The following LRPPRC variants were observed in gnomAD, a reference collection of about 807,000 sequenced individuals.
The protein encoded by LRPPRC is leucine rich pentatricopeptide repeat containing.
In LRPPRC, 120 loss-of-function variants were observed where a neutral mutation model predicts 180.3. The observed-to-expected ratio is 0.67, with a 90% confidence interval of 0.57 to 0.77. LRPPRC has a LOEUF of 0.77. Among genes scored for constraint, LRPPRC ranks in the 30% least tolerant of loss-of-function variants. LRPPRC has a pLI of 0.00. For synonymous variants in LRPPRC, 723 were observed against 600.0 expected, an observed-to-expected ratio of 1.21 and a Z score of -3.00; for missense variants, 2,012 against 1,657.2, an observed-to-expected ratio of 1.21 and a Z score of -3.72.
intron 20 of LRPPRC, 63 bp from the exon 21 acceptor site, chr2:43,946,306 T>C (rs1672680387): frequency 1.5e-5 from 20 of 1,302,506 alleles, no homozygotes; most frequent in Non-Finnish European, 2.1e-5. Context: ...GTCACATTTT[T>C]AGCTTTACTG....
chr2:43,906,962 C>G (rs1390160383), intron 30 of LRPPRC, among the ~76,000 whole-genome samples: 2 of 152,182 alleles, frequency 1.3e-5, no homozygotes, highest in Non-Finnish European at 2.9e-5. Context: ...ACAACTCATG[C>G]ATGAGACTAA....
chr2:43,935,014 G>T, intron 23 of LRPPRC, 136 bp from the exon 24 acceptor site: 1 of 619,560 alleles, frequency 1.6e-6, no homozygotes. Context: ...AAACCACAAA[G>T]CTAAAATGGG....
chr2:43,971,485 T>TAAAGAAAAAAAAAA (rs1673802765), intron 11 of LRPPRC, among the ~76,000 whole-genome samples: 1 of 62,414 alleles, frequency 1.6e-5, no homozygotes, highest in Non-Finnish European at 2.8e-5. Context: ...TGTGTCACAG[T>TAAAGAAAAAAAAAA]AAAAAAAAAA....
At chr2:43,995,756 C>G in intron 1 of LRPPRC, 43 bp downstream of exon 1, 2 of 1,347,670 alleles carry the variant, frequency 1.5e-6, no homozygotes. Context: ...CCCGGGGGAC[C>G]CTGGCGCCGC....
chr2:43,904,657 T>A (rs1394019402), intron 31 of LRPPRC: 1 of 141,780 alleles, frequency 7.1e-6, no homozygotes, highest in Non-Finnish European at 1.5e-5. Context: ...CCCACCACTG[T>A]ACTCTAGCCT....
chr2:43,893,275 G>T (rs1480718654), intron 36 of LRPPRC, among the ~76,000 whole-genome samples: 1 of 152,204 alleles, frequency 6.6e-6, no homozygotes, highest in Non-Finnish European at 1.5e-5. Flanking sequence ...AGTTAATAAA[G>T]CAGTGGTATG....
chr2:43,989,820 C>T (rs919026439), intron 1 of LRPPRC, among the ~76,000 whole-genome samples: 9 of 152,192 alleles, frequency 5.9e-5, no homozygotes, highest in African/African-American at 1.7e-4. Context: ...AACTTGAGGT[C>T]TTGAATAAAT....
intron 29 of LRPPRC, among the ~76,000 whole-genome samples, chr2:43,916,009 C>T (rs1671454230): frequency 6.6e-6 from 1 of 152,090 alleles, no homozygotes; most frequent in South Asian, 2.1e-4. Flanking sequence ...AAGTGATCTG[C>T]CCACCTTGGC....
intron 11 of LRPPRC, among the ~76,000 whole-genome samples, chr2:43,967,867 T>C (rs924174799): frequency 1.3e-5 from 2 of 152,168 alleles, no homozygotes; most frequent in African/African-American, 4.8e-5. Context: ...CTAACAACCT[T>C]GATAACTACC....
Position 43,925,095 on chromosome 2 carries a change from C to T in LRPPRC, c.2868G>A (p.Gln956=). 6.3e-7 allele frequency: 1 copy of T among 1,594,032 alleles called. No homozygotes were observed. The highest frequency in any genetic ancestry group is 8.6e-7 in the Non-Finnish European group (1 of 1,161,796). The change falls in exon 27 of 38, where the codon CAG becomes CAA. Residue 956 remains glutamine, a synonymous_variant. Transcript: ENST00000260665. ...ACAGTTTTAGCAGATTGTAGTACAT[C>T]TGGTCTCTATCACATTCAAATAGCT... The part of the protein sequence containing the change: ...TQKLFECDRD[Q]MYYNLLKLYK...
Position 43,918,362 on chromosome 2 carries a change from C to G in LRPPRC, c.2933G>C (p.Trp978Ser). ...NGDWQRADAV[W>S]NKIQEENVIP... is the part of the protein sequence containing the mutation. ...AACATTTTCTTCTTGGATTTTATTC[C>G]AGACTGCATCAGCTCTTTGCCAGTC... Residue 978 changes from tryptophan (W) to serine (S), a missense_variant, in exon 28 of 38, where the codon TGG (tryptophan) becomes TCG (serine). By Grantham distance (177) the Trp-to-Ser change is radical (BLOSUM62 -3). Coordinates refer to ENST00000260665, the MANE Select transcript of LRPPRC (RefSeq NM_133259.4). 1 of 1,610,810 alleles carries G rather than the reference C, an allele frequency of 6.2e-7. No individual in the cohort carries two copies. Among genetic ancestry groups the G allele is most frequent in the Non-Finnish European group, 8.5e-7 (1 of 1,177,100 alleles).
chr2:43,934,049 TC>T, intron 25 of LRPPRC, 140 bp downstream of exon 25: 2 of 622,452 alleles, frequency 3.2e-6, no homozygotes, highest in Non-Finnish European at 5.8e-6. Context: ...CTGGCCGAGA[TC>T]CCCCTCCCCC....
intron 15 of LRPPRC, among the ~76,000 whole-genome samples, chr2:43,950,258 A>G (rs571952553): frequency 6.6e-6 from 1 of 151,878 alleles, no homozygotes; most frequent in East Asian, 1.9e-4. Context: ...CATGTGCAGG[A>G]TGTGCAGGTT....
Position 43,995,799 on chromosome 2 carries a change from C to G in LRPPRC, c.149G>C (p.Gly50Ala). 1 of 1,385,612 alleles carries G rather than the reference C, an allele frequency of 7.2e-7. No homozygotes were observed. Among genetic ancestry groups the G allele is most frequent in the South Asian group, 1.7e-5 (1 of 59,858 alleles). The allele number at this position is 1,385,612 out of a possible 1,614,324, so 85.8% of individuals were successfully genotyped here. A position where few individuals can be genotyped will look rare whatever the true frequency, so the allele number is the denominator to read the frequency against. Residue 50 changes from glycine to alanine, a missense_variant and splice_region_variant, in exon 1 of 38, where the codon GGA becomes GCA. By Grantham distance (60) the Gly-to-Ala change is moderately conservative (BLOSUM62 0). Coordinates refer to ENST00000260665, the MANE Select transcript of LRPPRC (RefSeq NM_133259.4). ...LPAARAGPVAGGLLSPARLYA... is the reference protein window; with the variant it reads ...LPAARAGPVAAGLLSPARLYA... ...CTGGAGAAAGGGCCTGGGCACTCAC[C>G]CGGCCACGGGCCCGGCGCGAGCGGC... is the stretch of plus-strand genomic sequence containing the variant.
chr2:43,927,531 GTTAT>G (rs1376356509), intron 25 of LRPPRC, among the ~76,000 whole-genome samples: 2 of 152,020 alleles, frequency 1.3e-5, no homozygotes, highest in African/African-American at 4.8e-5. Flanking sequence ...TTTTTCTTAC[GTTAT>G]TTGTTTTGTT....
intron 1 of LRPPRC, among the ~76,000 whole-genome samples, chr2:43,986,561 A>G (rs1014492800): frequency 6.6e-6 from 1 of 152,214 alleles, no homozygotes; most frequent in African/African-American, 2.4e-5. Context: ...AGGCATTATT[A>G]ATAGCTAATG....
Position 43,945,401 on chromosome 2 carries a change from A to C in LRPPRC, c.2227T>G (p.Ser743Ala). 1 of 1,610,834 alleles carries C rather than the reference A, an allele frequency of 6.2e-7. No homozygotes were observed. The highest frequency in any genetic ancestry group is 8.5e-7 in the Non-Finnish European group (1 of 1,177,164). ...LKEEFDRLDS[S>A]AVLDTGKYVG... ...TACTTGCCGGTGTCAAGGACAGCAG[A>C]TGAATCTAAGCGGTCACTAAAAATT... Residue 743 changes from serine to alanine, a missense_variant, in exon 22 of 38, where the codon TCT (serine) becomes GCT (alanine). Coordinates refer to ENST00000260665, the MANE Select transcript of LRPPRC (RefSeq NM_133259.4).
In LRPPRC at chr2:43,899,351, T is replaced by C; in HGVS notation, c.3710-17A>G. The C allele has an allele frequency of 3.1e-6, 5 of 1,610,230 alleles. No individual in the cohort carries two copies. Among genetic ancestry groups the C allele is most frequent in the Non-Finnish European group, 4.3e-6 (5 of 1,176,456 alleles). On this transcript the variant is annotated splice_polypyrimidine_tract_variant and intron_variant, in intron 33 of 37. Transcript: ENST00000260665. Reference sequence around the variant, plus strand: ...TGATGCTTACTGGAAAAATGACAGGTAAGAAAAATCTTTCATTAGAACAGT... The same window carrying C: ...TGATGCTTACTGGAAAAATGACAGGCAAGAAAAATCTTTCATTAGAACAGT...
intron 27 of LRPPRC, among the ~76,000 whole-genome samples, chr2:43,924,785 G>T (rs551183893): frequency 1.3e-5 from 2 of 152,116 alleles, no homozygotes; most frequent in African/African-American, 4.8e-5. Flanking sequence ...CAGAAAGACC[G>T]TTCTTACCTC....
Sources: allele counts gnomAD v4.1 joint callset (sites outside exome capture counted in the v4.1 genomes callset), GRCh38; gene constraint gnomAD v4.1.1; transcripts MANE v1.5; gene names NCBI Gene and HGNC (gene_info 2026-07-23, HGNC 2026-07-21).